Variants in OS9 observed in about 807,000 individuals in gnomAD.
OS9 encodes the protein OS9 endoplasmic reticulum lectin, also known as protein OS-9.
OS9 carries 58 observed loss-of-function variants against 84.7 expected under a neutral mutation model. The ratio of observed to expected loss-of-function variants is 0.68; its 90% CI spans 0.55 to 0.85. OS9 has a LOEUF of 0.85. Among genes scored for constraint, OS9 ranks in the 40% least tolerant of loss-of-function variants. OS9 has a pLI of 0.00. For missense variants in OS9, 760 were observed against 850.9 expected (o/e 0.89, Z 1.33); for synonymous variants, 278 against 320.8 (o/e 0.87, Z 1.43).
intron 5 of OS9, among the ~76,000 whole-genome samples, chr12:57,697,961 A>ACACACACC (rs1953914785): frequency 1.4e-5 from 2 of 144,326 alleles, no homozygotes; most frequent in South Asian, 4.4e-4. Context: ...ACACACACAC[A>ACACACACC]CACACCCTAT....
chr12:57,712,038 T>C (rs1264103203), intron 5 of OS9, among the ~76,000 whole-genome samples: 2 of 152,244 alleles, frequency 1.3e-5, no homozygotes, highest in Non-Finnish European at 2.9e-5. Context: ...TAAAAACATA[T>C]ATAAACTCCC....
chr12:57,695,559 C>G (rs1341855730), intron 2 of OS9: 3 of 699,760 alleles, frequency 4.3e-6, no homozygotes, highest in Admixed American at 2.0e-5. Flanking sequence ...ATGGAAAGAC[C>G]ACAAGTGGAA....
chr12:57,698,008 T>C (rs1953916949), intron 5 of OS9, among the ~76,000 whole-genome samples: 1 of 151,786 alleles, frequency 6.6e-6, no homozygotes, highest in Non-Finnish European at 1.5e-5. Context: ...GTGTTTTGCA[T>C]TCTTCAAAGC....
intron 4 of OS9, 59 bp downstream of exon 4, chr12:57,696,097 C>T (rs1251785861): frequency 7.3e-7 from 1 of 1,370,372 alleles, no homozygotes; most frequent in African/African-American, 1.4e-5. Flanking sequence ...AGAGCCCTGA[C>T]AAGAAGGGGA....
chr12:57,696,783 G>A (rs1184132138), intron 5 of OS9, among the ~76,000 whole-genome samples: 4 of 150,932 alleles, frequency 2.7e-5, no homozygotes, highest in Admixed American at 1.3e-4. Flanking sequence ...GTGACAGAGT[G>A]AGACTCTGTC....
chr12:57,696,562 G>A (rs1312578879), intron 5 of OS9, among the ~76,000 whole-genome samples, 189 bp downstream of exon 5: 18 of 151,492 alleles, frequency 1.2e-4, no homozygotes, highest in Admixed American at 8.5e-4. Flanking sequence ...TTGGGAGGCC[G>A]AGGCGGGCAG....
intron 14 of OS9, 112 bp from the exon 15 acceptor site, chr12:57,720,672 C>A: frequency 7.4e-7 from 1 of 1,359,042 alleles, no homozygotes; most frequent in Non-Finnish European, 1.0e-6. Flanking sequence ...GCAGGAAGAG[C>A]CCCTCAGGAC....
At position 57,718,289 on chromosome 12, in the gene OS9, T is replaced by A. The variant is rs1477972386; in HGVS notation, c.1278T>A (p.Asp426Glu). The A allele has an allele frequency of 6.2e-7, 1 of 1,613,498 alleles. No homozygotes were observed. Among genetic ancestry groups the A allele is most frequent in the African/African-American group, 1.3e-5 (1 of 74,850 alleles). ...EEDEDEDEDE[D>E]EDERQLLGEF... The stretch of plus-strand genomic sequence containing the variant: ...ATGAGGATGAGGATGAGGATGAAGA[T>A]GAGGATGAACGGCAGTTACTGGGAG... Residue 426 changes from aspartate (D) to glutamate (E), a missense_variant, in exon 11 of 15, where the codon GAT (aspartate) becomes GAA (glutamate). Coordinates refer to ENST00000315970, the MANE Select transcript of OS9 (RefSeq NM_006812.4).
At chr12:57,715,399 C>T (rs1298238701) in intron 5 of OS9, among the ~76,000 whole-genome samples, 2 of 151,626 alleles carry the variant, frequency 1.3e-5, no homozygotes, top group East Asian at 3.9e-4. Context: ...ATATATGAAG[C>T]AAATAAAAGT....
At chr12:57,717,324 C>T (rs1047712635) in intron 9 of OS9, among the ~76,000 whole-genome samples, 1 of 152,186 alleles carries the variant, frequency 6.6e-6, no homozygotes, top group African/African-American at 2.4e-5. Flanking sequence ...ATCCTAGAGG[C>T]AGGGACCATG....
At chr12:57,705,701 A>AT (rs1385043610) in intron 5 of OS9, among the ~76,000 whole-genome samples, 1 of 151,588 alleles carries the variant, frequency 6.6e-6, no homozygotes, top group Non-Finnish European at 1.5e-5. Context: ...AATTATTGTA[A>AT]TTTTTTTAGA....
rs139154352 is a variant in OS9, at chr12:57,718,249, T to C, written c.1238T>C (p.Met413Thr). Residue 413 changes from methionine to threonine, a missense_variant, in exon 11 of 15, where the codon ATG (methionine) becomes ACG (threonine). Transcript: ENST00000315970. ...ERGDPERQRE[M>T]EEEEDEDEDE... ...GGTGATCCAGAACGGCAGAGAGAGA[T>C]GGAAGAAGAGGAGGATGAGGATGAG... is the stretch of plus-strand genomic sequence containing the variant. 6.2e-7 allele frequency: 1 copy of C among 1,613,690 alleles called. No homozygotes were observed. The highest frequency in any genetic ancestry group is 8.5e-7 in the Non-Finnish European group (1 of 1,179,956).
intron 2 of OS9, chr12:57,695,510 G>T: frequency 4.6e-6 from 3 of 655,430 alleles, no homozygotes; most frequent in Non-Finnish European, 8.4e-6. Flanking sequence ...TCTTTATGGA[G>T]GGCAAATAAG....
chr12:57,711,338 C>CTTT (rs34817746), intron 5 of OS9, among the ~76,000 whole-genome samples: 3 of 63,506 alleles, frequency 4.7e-5, no homozygotes, highest in African/African-American at 1.3e-4. Flanking sequence ...GGCAGTATAT[C>CTTT]TTTTTTTTTT....
chr12:57,714,637 G>A (rs1038057140), intron 5 of OS9, among the ~76,000 whole-genome samples: 2 of 152,114 alleles, frequency 1.3e-5, no homozygotes, highest in Non-Finnish European at 1.5e-5. Context: ...CTTTCCACAC[G>A]GGTTGGAATG....
Position 57,719,192 on chromosome 12 carries a change from G to T in OS9, c.1600+10G>T. The T allele has an allele frequency of 6.2e-7, 1 of 1,611,978 alleles. No individual in the cohort carries two copies. Among genetic ancestry groups the T allele is most frequent in the Non-Finnish European group, 8.5e-7 (1 of 1,178,840 alleles). On this transcript the variant is annotated intron_variant, in intron 12 of 14. Transcript: ENST00000315970. ...TCACCCCAACCTACAGGTGAGAGCAGTCAGACAAGAAAGAGTAGCCCAGTC... is the reference window on the plus strand; with the variant it reads ...TCACCCCAACCTACAGGTGAGAGCATTCAGACAAGAAAGAGTAGCCCAGTC...
At position 57,715,063 on chromosome 12, in the gene OS9, A is replaced by T. The variant is rs903340075; in HGVS notation, c.580-697A>T. 3.3e-5 allele frequency among the ~76,000 whole-genome samples: 5 copies of T among 152,210 alleles called. No homozygotes were observed. The South Asian group carries it at 1.0e-3, about 32-fold the overall frequency. ...TACATATTTATATACAAATATATAT[A>T]CACTTTAAAAAAAATACAGGCCAGG... On this transcript the variant is annotated intron_variant, in intron 5 of 14. Coordinates refer to ENST00000315970, the MANE Select transcript of OS9 (RefSeq NM_006812.4).
chr12:57,709,842 CT>C (rs34489459), intron 5 of OS9, among the ~76,000 whole-genome samples: 98 of 146,116 alleles, frequency 6.7e-4, no homozygotes, highest in Middle Eastern at 3.5e-3. Context: ...CTGACGATCC[CT>C]TTTTTTTTTT....
At chr12:57,716,215 T>C in intron 7 of OS9, 22 bp downstream of exon 7, 1 of 1,397,970 alleles carries the variant, frequency 7.2e-7, no homozygotes, top group Non-Finnish European at 9.8e-7. Flanking sequence ...TTTCACCTGT[T>C]CCGTGAAACT....
Sources: allele counts gnomAD v4.1 joint callset (sites outside exome capture counted in the v4.1 genomes callset), GRCh38; gene constraint gnomAD v4.1.1; transcripts MANE v1.5; gene names NCBI Gene and HGNC (gene_info 2026-07-23, HGNC 2026-07-21).